B3GALT1: variants seen among roughly 807,000 people sequenced by gnomAD.
The protein encoded by B3GALT1 is UDP-Gal:betaGlcNAc beta 1,3-galactosyltransferase, polypeptide 1.
Under a neutral mutation model 23.2 loss-of-function variants are expected in B3GALT1, and 10 were observed. The observed-to-expected ratio is 0.43, with a 90% CI of 0.27 to 0.73. The LOEUF is 0.73. B3GALT1 is among the 30% of genes least tolerant of loss of function. B3GALT1 has a pLI of 0.21. For synonymous variants in B3GALT1, 156 were observed against 141.5 expected, an observed-to-expected ratio of 1.10 and a Z score of -0.73; for missense variants, 299 against 405.4, an observed-to-expected ratio of 0.74 and a Z score of 2.25.
At chr2:167,486,151 G>A (rs1699624157) in intron 1 of B3GALT1, among the ~76,000 whole-genome samples, 1 of 152,158 alleles carries the variant, frequency 6.6e-6, no homozygotes, top group South Asian at 2.1e-4. Flanking sequence ...ACAAGGTCAA[G>A]AGATCAAGAC....
At chr2:167,337,449 G>GAAAT (rs1050722147) in intron 1 of B3GALT1, among the ~76,000 whole-genome samples, 15 of 151,980 alleles carry the variant, frequency 9.9e-5, no homozygotes, top group African/African-American at 3.6e-4. Flanking sequence ...GCTTTCTGAG[G>GAAAT]AAATATCTGT....
intron 2 of B3GALT1, among the ~76,000 whole-genome samples, chr2:167,606,633 A>G (rs1473966742): frequency 1.1e-5 from 1 of 87,962 alleles, no homozygotes; most frequent in Non-Finnish European, 2.6e-5. Context: ...GAATTGTTTG[A>G]CGTTTTGAAA....
At chr2:167,672,189 C>T (rs1321462248) in intron 3 of B3GALT1, among the ~76,000 whole-genome samples, 1 of 152,020 alleles carries the variant, frequency 6.6e-6, no homozygotes, top group Non-Finnish European at 1.5e-5. Flanking sequence ...AGAAACCTGC[C>T]ATTACCTCAT....
intron 1 of B3GALT1, among the ~76,000 whole-genome samples, chr2:167,452,613 T>G (rs1287912589): frequency 6.6e-6 from 1 of 152,186 alleles, no homozygotes; most frequent in African/African-American, 2.4e-5. Context: ...TCTCTCAGCT[T>G]TCCTGGTATG....
intron 1 of B3GALT1, among the ~76,000 whole-genome samples, chr2:167,308,030 T>G (rs1423846545): frequency 6.6e-6 from 1 of 152,034 alleles, no homozygotes; most frequent in African/African-American, 2.4e-5. Flanking sequence ...ATCAAGCATT[T>G]TGTGGAGAGT....
chr2:167,593,037 G>A (rs2464040), intron 2 of B3GALT1, among the ~76,000 whole-genome samples: 4,914 of 152,268 alleles, frequency 0.032, 298 homozygotes, highest in African/African-American at 0.11. Flanking sequence ...GATACAGATA[G>A]TGTATAACTA....
chr2:167,736,396 A>G (rs1461604969), intron 3 of B3GALT1, among the ~76,000 whole-genome samples: 3 of 152,218 alleles, frequency 2.0e-5, no homozygotes, highest in Admixed American at 1.3e-4. Context: ...TTTCATCACT[A>G]TAGAACATGT....
chr2:167,844,606 T>A (rs1689717550), intron 4 of B3GALT1, among the ~76,000 whole-genome samples: 1 of 152,046 alleles, frequency 6.6e-6, no homozygotes. Flanking sequence ...GCTCGCTGGG[T>A]CCCCAAACAG....
intron 3 of B3GALT1, among the ~76,000 whole-genome samples, chr2:167,754,017 G>T (rs938134998): frequency 3.9e-5 from 6 of 152,174 alleles, no homozygotes; most frequent in African/African-American, 1.4e-4. Context: ...TAGAGGCAAG[G>T]ATTTTGTAAA....
At chr2:167,346,899 C>T (rs186104521) in intron 1 of B3GALT1, among the ~76,000 whole-genome samples, 245 of 152,114 alleles carry the variant, frequency 1.6e-3, no homozygotes, top group Non-Finnish European at 2.0e-3. Context: ...ACTATCGATC[C>T]GCTGTTTATC....
intron 1 of B3GALT1, among the ~76,000 whole-genome samples, chr2:167,376,677 C>T (rs1245757679): frequency 1.3e-5 from 2 of 151,998 alleles, no homozygotes; most frequent in South Asian, 2.1e-4. Flanking sequence ...CTGTGAGATT[C>T]GTTGTAATAT....
chr2:167,313,929 A>C (rs777103115), intron 1 of B3GALT1, among the ~76,000 whole-genome samples: 8 of 152,240 alleles, frequency 5.3e-5, no homozygotes, highest in Non-Finnish European at 7.4e-5. Context: ...TTATGTTAAG[A>C]GTATGTCTTC....
chr2:167,591,978 A>G (rs1271838160), intron 2 of B3GALT1, among the ~76,000 whole-genome samples: 1 of 152,184 alleles, frequency 6.6e-6, no homozygotes, highest in African/African-American at 2.4e-5. Context: ...TATTGAAGGT[A>G]GATCCAATAG....
intron 2 of B3GALT1, among the ~76,000 whole-genome samples, chr2:167,637,757 T>A (rs1685584037): frequency 6.6e-6 from 1 of 152,020 alleles, no homozygotes; most frequent in South Asian, 2.1e-4. Context: ...ATGCAGTATT[T>A]GTCTTTTTGG....
chr2:167,760,068 T>C (rs1245905028), intron 3 of B3GALT1, among the ~76,000 whole-genome samples: 1 of 152,174 alleles, frequency 6.6e-6, no homozygotes, highest in African/African-American at 2.4e-5. Context: ...AGTTTGAACA[T>C]CTAATTAACA....
At chr2:167,845,326 C>T (rs1205074808) in intron 4 of B3GALT1, among the ~76,000 whole-genome samples, 2 of 152,142 alleles carry the variant, frequency 1.3e-5, no homozygotes, top group Non-Finnish European at 2.9e-5. Context: ...AGCTAAGAAC[C>T]GTCACAGAGT....
chr2:167,827,932 C>A (rs994213315), intron 4 of B3GALT1, among the ~76,000 whole-genome samples: 31 of 152,154 alleles, frequency 2.0e-4, no homozygotes, highest in African/African-American at 7.2e-4. Flanking sequence ...CAGAGACAGG[C>A]AACAAACCCG....
chr2:167,437,005 T>A (rs946163711), intron 1 of B3GALT1, among the ~76,000 whole-genome samples: 3 of 152,166 alleles, frequency 2.0e-5, no homozygotes, highest in South Asian at 2.1e-4. Context: ...CTTGTGGCAT[T>A]ATGGAGAAAC....
At chr2:167,335,694 A>G (rs959685444) in intron 1 of B3GALT1, among the ~76,000 whole-genome samples, 6 of 152,194 alleles carry the variant, frequency 3.9e-5, no homozygotes, top group African/African-American at 1.4e-4. Context: ...ATGCATTATA[A>G]TTAGTGTATA....
Sources: allele counts gnomAD v4.1 joint callset (sites outside exome capture counted in the v4.1 genomes callset), GRCh38; gene constraint gnomAD v4.1.1; transcripts MANE v1.5; gene names NCBI Gene and HGNC (gene_info 2026-07-23, HGNC 2026-07-21).